The following PRKACB variants were observed in gnomAD, a reference collection of about 807,000 sequenced individuals.
PRKACB encodes the protein cAMP-dependent protein kinase catalytic subunit beta.
Under a neutral mutation model 51.4 loss-of-function variants are expected in PRKACB, and 16 were observed. The ratio of observed to expected loss-of-function variants is 0.31; its 90% CI spans 0.21 to 0.47. The LOEUF (loss-of-function observed/expected upper bound fraction) is 0.47. Ranked by LOEUF, PRKACB falls within the 20% of genes least tolerant of loss-of-function variation. The probability of loss-of-function intolerance (pLI) is 1.00; values close to 1 mark genes in which losing one functional copy is unlikely to be tolerated. For missense variants in PRKACB, 309 were observed against 464.5 expected (o/e 0.67, Z 3.08); for synonymous variants, 147 against 154.4 (o/e 0.95, Z 0.35).
Position 84,184,260 on chromosome 1 carries a change from A to G in PRKACB, c.477+125A>G, listed in dbSNP as rs371255744. 41 of 750,672 alleles carry G rather than the reference A, an allele frequency of 5.5e-5. No individual in the cohort carries two copies. In the African/African-American group the frequency reaches 7.3e-4, roughly 13 times the overall value. The allele number at this position is 750,672 out of a possible 1,614,324, so 46.5% of individuals were successfully genotyped here. A position where few individuals can be genotyped will look rare whatever the true frequency, so the allele number is the denominator to read the frequency against. ...ATGAATAAACAAAACGAATACCTCT[A>G]GAGTTTGTGTAATTAAATCCTATTG... On this transcript the variant is annotated intron_variant, in intron 4 of 9. Transcript: ENST00000370685.
chr1:84,113,764 T>C (rs572906516), intron 1 of PRKACB, among the ~76,000 whole-genome samples: 10 of 152,268 alleles, frequency 6.6e-5, no homozygotes, highest in Non-Finnish European at 1.5e-4. Flanking sequence ...CATTGTGTGA[T>C]TTCATTTATA....
intron 1 of PRKACB, among the ~76,000 whole-genome samples, chr1:84,118,719 A>G (rs541788071): frequency 1.3e-5 from 2 of 152,240 alleles, no homozygotes; most frequent in Non-Finnish European, 2.9e-5. Flanking sequence ...ATCAGTGACT[A>G]CAGTAGGAAA....
At chr1:84,091,846 G>A (rs938660954) in intron 1 of PRKACB, among the ~76,000 whole-genome samples, 6 of 152,064 alleles carry the variant, frequency 3.9e-5, no homozygotes, top group Admixed American at 6.6e-5. Flanking sequence ...AAATAAACAC[G>A]TTAATGACTT....
upstream of PRKACB, among the ~76,000 whole-genome samples, chr1:84,143,446 G>A (rs540262827): frequency 2.0e-5 from 3 of 151,714 alleles, no homozygotes; most frequent in South Asian, 4.2e-4. Flanking sequence ...GTGAAACAAC[G>A]TTTAAAAAAA....
At chr1:84,088,860 G>A (rs1399336701) in intron 1 of PRKACB, among the ~76,000 whole-genome samples, 1 of 152,150 alleles carries the variant, frequency 6.6e-6, no homozygotes, top group Non-Finnish European at 1.5e-5. Flanking sequence ...GATATTTATA[G>A]TAAGGCATAC....
In PRKACB at chr1:84,207,960, T is replaced by C. The variant is rs527244933; in HGVS notation, c.906+5155T>C. On this transcript the variant is annotated intron_variant, in intron 8 of 9. Transcript: ENST00000370685. ...TTGGCCCGCTGCAGCCTCTGCCTCCTGGGTTCAAGTGATTCTCCTGCCTCA... is the reference window on the plus strand; with the variant it reads ...TTGGCCCGCTGCAGCCTCTGCCTCCCGGGTTCAAGTGATTCTCCTGCCTCA... Among the ~76,000 whole-genome samples, 12 of 152,276 alleles carry C rather than the reference T, an allele frequency of 7.9e-5. No homozygotes were observed. The South Asian group carries it at 8.3e-4, about 11-fold the overall frequency.
chr1:84,221,431 T>C (rs1011833785), intron 9 of PRKACB, among the ~76,000 whole-genome samples: 1 of 152,068 alleles, frequency 6.6e-6, no homozygotes, highest in African/African-American at 2.4e-5. Context: ...GTTTTTTCTC[T>C]ATTTCATTTA....
rs956541962 is a variant in PRKACB, at chr1:84,237,114, T to C, written c.*1809T>C. The C allele has an allele frequency of 6.6e-6, 1 of 152,510 alleles. No individual in the cohort carries two copies. Among genetic ancestry groups the C allele is most frequent in the Non-Finnish European group, 1.5e-5 (1 of 68,008 alleles). 9.4% of individuals were successfully genotyped at this position (152,510 alleles called of 1,614,324 possible). On this transcript the variant is annotated 3_prime_UTR_variant, in exon 10 of 10. Transcript: ENST00000370685. ...TGGTAATGTCATGTAAATGCTGATA[T>C]TGATTTCACTGGTCCATCTATATTT...
intron 9 of PRKACB, among the ~76,000 whole-genome samples, chr1:84,228,595 C>T (rs1006421992): frequency 2.6e-5 from 4 of 151,296 alleles, no homozygotes; most frequent in East Asian, 1.9e-4. Flanking sequence ...AGACCATATT[C>T]GAAGTAGTGG....
upstream of PRKACB, among the ~76,000 whole-genome samples, chr1:84,140,653 G>A (rs377746617): frequency 3.9e-5 from 6 of 152,090 alleles, no homozygotes; most frequent in African/African-American, 7.2e-5. Flanking sequence ...ATAGGTGACC[G>A]TCTTAATTAA....
intron 5 of PRKACB, among the ~76,000 whole-genome samples, chr1:84,191,730 A>G (rs897220829): frequency 6.6e-6 from 1 of 152,062 alleles, no homozygotes; most frequent in South Asian, 2.1e-4. Flanking sequence ...AGTGGGTGCT[A>G]TGCTCACCAC....
intron 1 of PRKACB, among the ~76,000 whole-genome samples, chr1:84,137,244 G>T (rs563841129): frequency 6.6e-6 from 1 of 152,020 alleles, no homozygotes; most frequent in Non-Finnish European, 1.5e-5. Flanking sequence ...CTATAAAGCC[G>T]TAAAAAGACA....
At chr1:84,107,012 C>CA (rs931695918) in intron 1 of PRKACB, among the ~76,000 whole-genome samples, 1 of 151,814 alleles carries the variant, frequency 6.6e-6, no homozygotes, top group Non-Finnish European at 1.5e-5. Flanking sequence ...AATGAACAAA[C>CA]AAAAAAACCA....
At chr1:84,133,211 GAA>G (rs1264110128) in intron 1 of PRKACB, among the ~76,000 whole-genome samples, 1 of 151,830 alleles carries the variant, frequency 6.6e-6, no homozygotes, top group African/African-American at 2.4e-5. Flanking sequence ...ATGCAAGCAA[GAA>G]AAGAGTAGAG....
At chr1:84,195,266 C>T (rs1372902088) in intron 5 of PRKACB, among the ~76,000 whole-genome samples, 1 of 152,154 alleles carries the variant, frequency 6.6e-6, no homozygotes, top group East Asian at 1.9e-4. Flanking sequence ...TAAAATTTTG[C>T]TCCCCAAAAG....
intron 1 of PRKACB, among the ~76,000 whole-genome samples, chr1:84,128,663 G>A (rs1468833753): frequency 6.6e-6 from 1 of 152,094 alleles, no homozygotes; most frequent in Non-Finnish European, 1.5e-5. Flanking sequence ...TATTCTCTTA[G>A]TTGAGCCATA....
chr1:84,221,319 T>G (rs1206311343), intron 9 of PRKACB, among the ~76,000 whole-genome samples: 1 of 152,080 alleles, frequency 6.6e-6, no homozygotes, highest in African/African-American at 2.4e-5. Flanking sequence ...TTTTGTTAAC[T>G]TGGATCTTCT....
At position 84,182,206 on chromosome 1, in the gene PRKACB, G is replaced by C; in HGVS notation, c.256G>C (p.Ala86Pro). Residue 86 changes from alanine to proline, a missense_variant, in exon 3 of 10, where the codon GCC becomes CCC. Around this residue, in one of 3 missense-constraint regions of PRKACB, gnomAD observed 153 missense variants for 190.2 expected, o/e 0.80. Coordinates refer to ENST00000370685, the MANE Select transcript of PRKACB (RefSeq NM_182948.4). Reference sequence around the variant, plus strand: ...TTTATGTATTTACATATAGAATAATGCCGGACTTGAAGATTTTGAAAGGAA... The same window carrying C: ...TTTATGTATTTACATATAGAATAATCCCGGACTTGAAGATTTTGAAAGGAA... Reference protein sequence around the residue: ...KKWENPTQNNAGLEDFERKKT... With the variant: ...KKWENPTQNNPGLEDFERKKT... 1 of 1,561,038 alleles carries C rather than the reference G, an allele frequency of 6.4e-7. No homozygotes were observed. Among genetic ancestry groups the C allele is most frequent in the Non-Finnish European group, 8.7e-7 (1 of 1,147,634 alleles).
At chr1:84,084,070 C>G (rs1647769401) in intron 1 of PRKACB, among the ~76,000 whole-genome samples, 1 of 152,088 alleles carries the variant, frequency 6.6e-6, no homozygotes, top group Non-Finnish European at 1.5e-5. Flanking sequence ...GCTGGGGAAC[C>G]AAGGGAAAGA....
Sources: allele counts gnomAD v4.1 joint callset (sites outside exome capture counted in the v4.1 genomes callset), GRCh38; gene constraint gnomAD v4.1.1; regional missense constraint gnomAD v4.1.1; transcripts MANE v1.5; gene names NCBI Gene and HGNC (gene_info 2026-07-23, HGNC 2026-07-21).